Variants in THRB observed in about 807,000 individuals in gnomAD.
THRB encodes thyroid hormone receptor beta.
Under a neutral mutation model 47.8 loss-of-function variants are expected in THRB, and 12 were observed. The observed-to-expected ratio is 0.25, with a 90% confidence interval of 0.16 to 0.41. The LOEUF is 0.41. Among genes scored for constraint, THRB ranks in the 10% least tolerant of loss-of-function variants. The pLI is 1.00. For synonymous variants in THRB, 218 were observed against 212.2 expected, an observed-to-expected ratio of 1.03 and a Z score of -0.24; for missense variants, 348 against 589.2, an observed-to-expected ratio of 0.59 and a Z score of 4.24.
intron 3 of THRB, among the ~76,000 whole-genome samples, chr3:24,255,895 C>T (rs1005361360): frequency 3.3e-5 from 5 of 152,172 alleles, no homozygotes; most frequent in Non-Finnish European, 7.4e-5. Context: ...ACCACTGTAT[C>T]CACTGTGTTG....
In THRB at chr3:24,346,600, G is replaced by GA. The variant is rs542728778; in HGVS notation, c.-260-9230dup. ...TGATATTAGGACACACAATTTCAAA[G>GA]AAAAAAAGGATTGAAAAAATTACAT... On this transcript the variant is annotated intron_variant, in intron 1 of 10. Transcript: ENST00000646209. Among the ~76,000 whole-genome samples, 170 of 151,512 alleles carry GA rather than the reference G, an allele frequency of 1.1e-3. 3 individuals are homozygous for GA. In the South Asian group the frequency reaches 0.035, roughly 31 times the overall value.
At chr3:24,340,007 G>C (rs1021184818) in intron 1 of THRB, among the ~76,000 whole-genome samples, 1 of 152,150 alleles carries the variant, frequency 6.6e-6, no homozygotes, top group South Asian at 2.1e-4. Flanking sequence ...AGTTATTTCT[G>C]GGCATGAAAC....
intron 1 of THRB, among the ~76,000 whole-genome samples, chr3:24,474,255 G>A (rs1319255770): frequency 7.9e-5 from 12 of 152,124 alleles, no homozygotes; most frequent in Non-Finnish European, 1.8e-4. Context: ...TATCTTCAGA[G>A]CAAGTACAGT....
At chr3:24,452,045 G>A (rs1415624805) in intron 1 of THRB, among the ~76,000 whole-genome samples, 2 of 152,160 alleles carry the variant, frequency 1.3e-5, no homozygotes, top group Admixed American at 1.3e-4. Flanking sequence ...TAGATTGCCC[G>A]AGGCTGAGGA....
chr3:24,255,771 T>A (rs1185705811), intron 3 of THRB, among the ~76,000 whole-genome samples: 1 of 152,240 alleles, frequency 6.6e-6, no homozygotes, highest in Admixed American at 6.5e-5. Flanking sequence ...GACAGGAGAC[T>A]GGCCGGGCAG....
intron 3 of THRB, among the ~76,000 whole-genome samples, chr3:24,273,285 C>T (rs2053546216): frequency 6.6e-6 from 1 of 152,134 alleles, no homozygotes; most frequent in Non-Finnish European, 1.5e-5. Flanking sequence ...GGCACTCTGG[C>T]ACACCTTTAA....
At chr3:24,312,707 G>A (rs1300381601) in intron 2 of THRB, among the ~76,000 whole-genome samples, 1 of 152,194 alleles carries the variant, frequency 6.6e-6, no homozygotes, top group African/African-American at 2.4e-5. Context: ...GCCATGGTGA[G>A]TGAGGGGGAG....
chr3:24,324,279 T>C (rs572183488), intron 2 of THRB, among the ~76,000 whole-genome samples: 1 of 140,168 alleles, frequency 7.1e-6, no homozygotes, highest in South Asian at 2.4e-4. Context: ...AGTTTGCTCA[T>C]TCATTCATTT....
intron 5 of THRB, among the ~76,000 whole-genome samples, chr3:24,183,175 T>C (rs563010750): frequency 6.6e-6 from 1 of 152,224 alleles, no homozygotes; most frequent in South Asian, 2.1e-4. Context: ...TTTATTTTTA[T>C]ATAGTTCAAT....
At chr3:24,379,942 C>T (rs1450605731) in intron 1 of THRB, among the ~76,000 whole-genome samples, 3 of 151,702 alleles carry the variant, frequency 2.0e-5, no homozygotes, top group African/African-American at 4.9e-5. Context: ...CTCCTCTCCT[C>T]ATGTAGTAAC....
chr3:24,456,700 G>T (rs186035517), intron 1 of THRB, among the ~76,000 whole-genome samples: 1 of 151,482 alleles, frequency 6.6e-6, no homozygotes, highest in East Asian at 1.9e-4. Context: ...TAAACAAACT[G>T]CTTACTGAAT....
At chr3:24,415,251 A>T (rs1343188351) in intron 1 of THRB, among the ~76,000 whole-genome samples, 1 of 151,880 alleles carries the variant, frequency 6.6e-6, no homozygotes, top group Non-Finnish European at 1.5e-5. Flanking sequence ...CTCAGGGAAC[A>T]GGCATAGGAA....
chr3:24,378,857 A>G (rs1477237362), intron 1 of THRB, among the ~76,000 whole-genome samples: 1 of 152,188 alleles, frequency 6.6e-6, no homozygotes, highest in African/African-American at 2.4e-5. Flanking sequence ...GGAGAAATCT[A>G]GAAATATATA....
chr3:24,275,833 T>C (rs747537786), intron 3 of THRB, among the ~76,000 whole-genome samples: 20 of 152,180 alleles, frequency 1.3e-4, no homozygotes, highest in Admixed American at 3.3e-4. Flanking sequence ...CTATGCCCTT[T>C]GAGATTCTGA....
rs115568653 is a variant in THRB at position 24,128,223 on chromosome 3, C to A, written c.886-466G>T. ...GGGCTTCCTTTTGGTTTTTGAAGCA[C>A]GTTTGCTCTTGTAGCCTCTTGGCAC... On this transcript the variant is annotated intron_variant, in intron 9 of 10. Coordinates refer to ENST00000646209, the MANE Select transcript of THRB (RefSeq NM_001354712.2). Among the ~76,000 whole-genome samples the A allele has an allele frequency of 4.0e-3, 606 of 152,228 alleles. 2 individuals carry two copies. Among genetic ancestry groups the A allele is most frequent in the African/African-American group, 0.014 (562 of 41,538 alleles).
intron 1 of THRB, among the ~76,000 whole-genome samples, chr3:24,473,639 CAT>C (rs1393927638): frequency 1.3e-5 from 2 of 152,162 alleles, no homozygotes; most frequent in African/African-American, 2.4e-5. Context: ...CACATGCACA[CAT>C]ATGTTTATTG....
chr3:24,338,262 G>A (rs1307037310), intron 1 of THRB, among the ~76,000 whole-genome samples: 2 of 152,068 alleles, frequency 1.3e-5, no homozygotes, highest in African/African-American at 2.4e-5. Context: ...TGGAGCATAG[G>A]TATAATCTCC....
intron 1 of THRB, among the ~76,000 whole-genome samples, chr3:24,357,368 A>AAC (rs1560010881): frequency 2.6e-4 from 38 of 145,654 alleles, no homozygotes; most frequent in South Asian, 1.9e-3. Context: ...AAAAAAAAAA[A>AAC]AAAAAACAAA....
intron 3 of THRB, among the ~76,000 whole-genome samples, chr3:24,288,784 A>C (rs2055608878): frequency 6.6e-6 from 1 of 152,218 alleles, no homozygotes. Flanking sequence ...CCTTTTAAAA[A>C]ATGAAATGAA....
Sources: allele counts gnomAD v4.1 joint callset (sites outside exome capture counted in the v4.1 genomes callset), GRCh38; gene constraint gnomAD v4.1.1; transcripts MANE v1.5; gene names NCBI Gene and HGNC (gene_info 2026-07-23, HGNC 2026-07-21).